The following CHD9 variants were observed in gnomAD, a reference collection of about 807,000 sequenced individuals.
CHD9 encodes the protein chromodomain helicase DNA binding protein 9, also known as ATP-dependent chromatin remodeler CHD9.
In CHD9, 77 loss-of-function variants were observed where a neutral mutation model predicts 316.1. The ratio of observed to expected loss-of-function variants is 0.24; its 90% CI spans 0.20 to 0.29. The LOEUF (loss-of-function observed/expected upper bound fraction) is 0.29. CHD9 is among the 10% of genes least tolerant of loss of function. The pLI, the probability that CHD9 is intolerant of heterozygous loss-of-function variation, is 1.00. For missense variants in CHD9, 2,763 were observed against 3,438.1 expected (o/e 0.80, Z 4.91); for synonymous variants, 1,129 against 1,158.3 (o/e 0.97, Z 0.51).
chr16:53,229,145 A>G (rs958118458), intron 8 of CHD9, 45 bp downstream of exon 8: 3 of 925,526 alleles, frequency 3.2e-6, no homozygotes, highest in Non-Finnish European at 1.6e-6. Flanking sequence ...GTCTCTGAAT[A>G]CATGTAGCAT....
intron 1 of CHD9, among the ~76,000 whole-genome samples, chr16:53,155,389 G>C (rs1052408871): frequency 9.9e-5 from 15 of 151,834 alleles, no homozygotes; most frequent in Admixed American, 3.9e-4. Flanking sequence ...TGGCCGAGTA[G>C]TTTTGAAATT....
intron 30 of CHD9, among the ~76,000 whole-genome samples, chr16:53,300,095 T>G (rs1490138966): frequency 6.6e-6 from 1 of 152,258 alleles, no homozygotes; most frequent in Non-Finnish European, 1.5e-5. Context: ...GGCTCACGCC[T>G]GTAATCCCAA....
At chr16:53,058,648 C>T (rs902526486) in intron 1 of CHD9, among the ~76,000 whole-genome samples, 16 of 152,244 alleles carry the variant, frequency 1.1e-4, no homozygotes, top group African/African-American at 3.9e-4. Flanking sequence ...GGGCAGCTCT[C>T]ATTTCATCCG....
intron 1 of CHD9, among the ~76,000 whole-genome samples, chr16:53,093,694 C>T (rs1397405241): frequency 5.3e-5 from 8 of 152,086 alleles, no homozygotes; most frequent in Admixed American, 3.3e-4. Flanking sequence ...TATGATTGTC[C>T]GCATTGTACA....
intron 1 of CHD9, among the ~76,000 whole-genome samples, chr16:53,154,792 G>A (rs79358254): frequency 0.018 from 2,756 of 152,230 alleles, 43 homozygotes; most frequent in Non-Finnish European, 0.024. Context: ...AACAGGCCAC[G>A]CACCCATTCC....
At chr16:53,226,564 C>A in intron 5 of CHD9, 52 bp downstream of exon 5, 1 of 1,546,476 alleles carries the variant, frequency 6.5e-7, no homozygotes, top group South Asian at 1.2e-5. Context: ...GACATAAATT[C>A]TATAAATACT....
chr16:53,256,473 C>T (rs577993127), intron 19 of CHD9, among the ~76,000 whole-genome samples: 6 of 148,606 alleles, frequency 4.0e-5, no homozygotes, highest in South Asian at 4.3e-4. Flanking sequence ...ACAACCTCCA[C>T]CACCATGCCC....
chr16:53,112,238 G>C (rs1229134819), intron 1 of CHD9, among the ~76,000 whole-genome samples: 2 of 152,192 alleles, frequency 1.3e-5, no homozygotes, highest in Non-Finnish European at 2.9e-5. Flanking sequence ...ACTCACAACT[G>C]TTCAAGTTTG....
At chr16:53,300,899 C>T (rs187519327) in intron 30 of CHD9, among the ~76,000 whole-genome samples, 5 of 152,288 alleles carry the variant, frequency 3.3e-5, no homozygotes. Flanking sequence ...ATGGTGAAAC[C>T]TTGTCTATAC....
intron 2 of CHD9, among the ~76,000 whole-genome samples, chr16:53,184,134 T>A (rs1294715348): frequency 2.0e-5 from 3 of 151,876 alleles, no homozygotes; most frequent in Admixed American, 6.6e-5. Context: ...TTAGTAGAGA[T>A]GGGGTTTCAC....
chr16:53,168,189 G>C (rs2042409896), intron 2 of CHD9, among the ~76,000 whole-genome samples: 1 of 151,974 alleles, frequency 6.6e-6, no homozygotes, highest in Non-Finnish European at 1.5e-5. Flanking sequence ...AGCCTCCCAA[G>C]TAGCTGGAAC....
chr16:53,316,870 A>G (rs4784303), intron 36 of CHD9, among the ~76,000 whole-genome samples: 1 of 152,106 alleles, frequency 6.6e-6, no homozygotes, highest in Non-Finnish European at 1.5e-5. Flanking sequence ...TGACCAGGTT[A>G]ACACAAGAAG....
Position 53,188,592 on chromosome 16 carries a change from T to A in CHD9, c.1453-20890T>A, listed in dbSNP as rs2044223908. The stretch of plus-strand genomic sequence containing the variant: ...ACTGAGCATTTTTTCATGGGCTTAC[T>A]GGTCATTACCTTTTTTTTTTTTTTT... On this transcript the variant is annotated intron_variant, in intron 2 of 38. Transcript: ENST00000447540. Among the ~76,000 whole-genome samples the A allele has an allele frequency of 1.4e-5, 2 of 147,214 alleles. 1 individual carries two copies. Among genetic ancestry groups the A allele is most frequent in the Admixed American group, 1.4e-4 (2 of 14,586 alleles).
rs2046261000 is a variant in CHD9 at position 53,210,667 on chromosome 16, C to G, written c.1784+854C>G. Among the ~76,000 whole-genome samples, 3 of 151,938 alleles carry G rather than the reference C, an allele frequency of 2.0e-5. No homozygotes were observed. The South Asian group carries it at 6.2e-4, about 31-fold the overall frequency. ...ATAAAGGGGTCAATCTAACTTTTCT[C>G]TTTTTCACAAAAAGTCCGCAATAAA... On this transcript the variant is annotated intron_variant, in intron 3 of 38. Coordinates refer to ENST00000447540, the MANE Select transcript of CHD9 (RefSeq NM_001308319.2).
intron 24 of CHD9, among the ~76,000 whole-genome samples, chr16:53,278,022 A>T (rs992734728): frequency 6.6e-6 from 1 of 152,132 alleles, no homozygotes; most frequent in African/African-American, 2.4e-5. Context: ...CAGAAAAAAA[A>T]AAAAGGTACT....
chr16:53,203,897 G>T (rs1292336247), intron 2 of CHD9, among the ~76,000 whole-genome samples: 1 of 150,790 alleles, frequency 6.6e-6, no homozygotes, highest in Non-Finnish European at 1.5e-5. Flanking sequence ...GGTGGCGGGC[G>T]CCTGTAGTCC....
intron 1 of CHD9, among the ~76,000 whole-genome samples, chr16:53,070,489 TTTCCTTCCTTCCTTCCTTCC>T (rs61654246): frequency 9.7e-5 from 14 of 144,784 alleles, no homozygotes; most frequent in Non-Finnish European, 1.6e-4. Flanking sequence ...TCTTTCTTTC[TTTCCTTCCTTCCTTCCTTCC>T]TTCCTTCCTT....
chr16:53,233,236 T>C (rs553554099), intron 10 of CHD9, among the ~76,000 whole-genome samples: 2 of 152,236 alleles, frequency 1.3e-5, no homozygotes, highest in South Asian at 4.1e-4. Context: ...ACCCACCACT[T>C]TGGGTTTGAT....
intron 1 of CHD9, among the ~76,000 whole-genome samples, chr16:53,096,666 A>G (rs957992746): frequency 4.6e-5 from 7 of 152,294 alleles, no homozygotes; most frequent in Middle Eastern, 3.4e-3. Context: ...CTTGAATGAA[A>G]TAACTTCACT....
Sources: gnomAD v4.1 joint callset for allele counts (sites outside exome capture counted in the v4.1 genomes callset) on GRCh38, gnomAD v4.1.1 for gene constraint, MANE v1.5 for transcripts, NCBI Gene and HGNC (gene_info 2026-07-23, HGNC 2026-07-21) for gene names.